RBFOX1: variants seen among roughly 807,000 people sequenced by gnomAD.
RBFOX1 encodes RNA binding protein fox-1 homolog 1.
A neutral mutation model predicts 57.7 loss-of-function variants in RBFOX1; 8 were observed. That is an observed-to-expected ratio of 0.14 (90% CI 0.08 to 0.25). The LOEUF is 0.25. Ranked by LOEUF, RBFOX1 falls within the 10% of genes least tolerant of loss-of-function variation. The pLI is 1.00. For missense variants in RBFOX1, 611 were observed against 548.5 expected (o/e 1.11, Z -1.14); for synonymous variants, 326 against 222.4 (o/e 1.47, Z -4.15).
chr16:6,506,502 G>A (rs1281667502), intron 2 of RBFOX1, among the ~76,000 whole-genome samples: 2 of 152,056 alleles, frequency 1.3e-5, no homozygotes, highest in Non-Finnish European at 1.5e-5. Context: ...TAAAAAAGAT[G>A]CGTCAGGGTT....
intron 3 of RBFOX1, among the ~76,000 whole-genome samples, chr16:6,950,730 G>C (rs1460086748): frequency 6.6e-6 from 1 of 152,132 alleles, no homozygotes; most frequent in East Asian, 1.9e-4. Flanking sequence ...CTGGGAAAGG[G>C]AGGAGATTTG....
At chr16:5,368,148 C>T (rs538305609) in intron 1 of RBFOX1, among the ~76,000 whole-genome samples, 1 of 152,306 alleles carries the variant, frequency 6.6e-6, no homozygotes, top group African/African-American at 2.4e-5. Flanking sequence ...CATATCCAAC[C>T]TCTGGGAGCT....
rs1555507188 is a variant in RBFOX1, at chr16:6,500,896, T to TTTTTGTTTGTTTGTTTG, written c.-63-153703_-63-153702insGTTTGTTTGTTTGTTTT. Among the ~76,000 whole-genome samples the TTTTTGTTTGTTTGTTTG allele has an allele frequency of 4.1e-3, 583 of 142,350 alleles. 8 individuals are homozygous for TTTTTGTTTGTTTGTTTG. Among genetic ancestry groups the TTTTTGTTTGTTTGTTTG allele is most frequent in the South Asian group, 9.0e-3 (40 of 4,440 alleles). The allele number at this position is 142,350 out of a possible 152,430, so 93.4% of individuals were successfully genotyped here. A position where few individuals can be genotyped will look rare whatever the true frequency, so the allele number is the denominator to read the frequency against. ...GAGTAGTTTTTTTTTTTTTTTTTTT[T>TTTTTGTTTGTTTGTTTG]TTTTTAATGCTGAGACATCCTCTGT... On this transcript the variant is annotated intron_variant, in intron 2 of 15. Transcript: ENST00000550418.
chr16:5,458,021 G>A (rs1411354557), intron 1 of RBFOX1, among the ~76,000 whole-genome samples: 4 of 152,210 alleles, frequency 2.6e-5, no homozygotes, highest in Admixed American at 6.5e-5. Context: ...TGTCTTGGGG[G>A]TAGAAAATTG....
intron 4 of RBFOX1, among the ~76,000 whole-genome samples, chr16:7,394,176 T>C (rs573472938): frequency 2.9e-4 from 39 of 136,638 alleles, no homozygotes; most frequent in South Asian, 4.4e-4. Flanking sequence ...GCAGAGGTTG[T>C]AGTGAGCCAA....
chr16:6,326,541 A>G (rs2082390712), intron 2 of RBFOX1, among the ~76,000 whole-genome samples: 1 of 152,054 alleles, frequency 6.6e-6, no homozygotes, highest in Non-Finnish European at 1.5e-5. Flanking sequence ...GGCTTTCTTC[A>G]TCCTTCTCAG....
intron 3 of RBFOX1, among the ~76,000 whole-genome samples, chr16:6,813,987 G>A (rs2089439769): frequency 1.3e-5 from 2 of 152,126 alleles, no homozygotes; most frequent in Admixed American, 1.3e-4. Context: ...CATGGCACTG[G>A]CAATATCTGA....
chr16:6,791,065 C>T (rs578204975), intron 3 of RBFOX1, among the ~76,000 whole-genome samples: 8 of 152,132 alleles, frequency 5.3e-5, no homozygotes, highest in African/African-American at 1.7e-4. Context: ...CACCACAATA[C>T]CTGACTAATT....
rs548569369 is a variant in RBFOX1, at chr16:5,294,433, T to G, written c.219+54328T>G. 2.6e-4 allele frequency among the ~76,000 whole-genome samples: 40 copies of G among 152,266 alleles called. No homozygotes were observed. In the South Asian group the frequency reaches 4.4e-3, roughly 17 times the overall value. ...TGTTCATGTTTTACTTGTGTCCTTT[T>G]CTAGCCTGCCTATGCCTTTCTGCTT... On this transcript the variant is annotated intron_variant, in intron 1 of 2. Transcript: ENST00000585867.
chr16:7,103,452 T>C (rs1211391382), intron 4 of RBFOX1, among the ~76,000 whole-genome samples: 2 of 152,180 alleles, frequency 1.3e-5, no homozygotes, highest in African/African-American at 4.8e-5. Context: ...CCTTCAGTCC[T>C]GCTGAATTTA....
At chr16:6,921,258 C>G in intron 3 of RBFOX1, among the ~76,000 whole-genome samples, 1 of 152,182 alleles carries the variant, frequency 6.6e-6, no homozygotes, top group East Asian at 1.9e-4. Flanking sequence ...TGTTTTCTCA[C>G]AATGTCTATG....
intron 4 of RBFOX1, among the ~76,000 whole-genome samples, chr16:5,973,575 A>G (rs2060004742): frequency 6.6e-6 from 1 of 152,160 alleles, no homozygotes; most frequent in Non-Finnish European, 1.5e-5. Flanking sequence ...GGTTGCTTTG[A>G]TGGTTAATTT....
At chr16:7,435,321 T>A (rs75053062) in intron 4 of RBFOX1, among the ~76,000 whole-genome samples, 1 of 152,108 alleles carries the variant, frequency 6.6e-6, no homozygotes, top group African/African-American at 2.4e-5. Flanking sequence ...ACTGGAGTTA[T>A]GGGTTACGGA....
chr16:5,793,274 T>C (rs547560898), intron 3 of RBFOX1, among the ~76,000 whole-genome samples: 1 of 152,372 alleles, frequency 6.6e-6, no homozygotes, highest in African/African-American at 2.4e-5. Flanking sequence ...TGGCTGCCTC[T>C]GCTTCTCCCC....
intron 2 of RBFOX1, among the ~76,000 whole-genome samples, chr16:5,505,678 C>T (rs1188732783): frequency 1.3e-5 from 2 of 152,188 alleles, no homozygotes; most frequent in African/African-American, 4.8e-5. Context: ...CCTTTCCAGC[C>T]TTGAATTGTG....
chr16:7,108,583 T>C (rs1312141447), intron 4 of RBFOX1, among the ~76,000 whole-genome samples: 1 of 152,170 alleles, frequency 6.6e-6, no homozygotes, highest in African/African-American at 2.4e-5. Flanking sequence ...TGTTTGCGTA[T>C]GGTTCAGTGG....
intron 1 of RBFOX1, among the ~76,000 whole-genome samples, chr16:6,148,671 C>A (rs1433423464): frequency 1.3e-5 from 2 of 152,184 alleles, no homozygotes; most frequent in South Asian, 2.1e-4. Flanking sequence ...ACAGGCAGGA[C>A]ACAGTTAGCA....
chr16:7,628,192 C>T (rs2060375323), intron 10 of RBFOX1, among the ~76,000 whole-genome samples: 1 of 152,026 alleles, frequency 6.6e-6, no homozygotes, highest in Non-Finnish European at 1.5e-5. Flanking sequence ...ATTTAGCACC[C>T]CAAGAAACTT....
intron 2 of RBFOX1, among the ~76,000 whole-genome samples, chr16:6,647,830 G>T (rs752678173): frequency 1.3e-5 from 2 of 152,012 alleles, no homozygotes; most frequent in African/African-American, 2.4e-5. Context: ...GACTGCCTAG[G>T]GATAAGTGAT....
Sources: gnomAD v4.1 joint callset for allele counts (sites outside exome capture counted in the v4.1 genomes callset) on GRCh38, gnomAD v4.1.1 for gene constraint, MANE v1.5 for transcripts, NCBI Gene and HGNC (gene_info 2026-07-23, HGNC 2026-07-21) for gene names.